Variants in DAB1 observed in about 807,000 individuals in gnomAD.
The protein encoded by DAB1 is disabled homolog 1.
A neutral mutation model predicts 64.6 loss-of-function variants in DAB1; 15 were observed. The observed-to-expected ratio is 0.23, with a 90% CI of 0.16 to 0.36. DAB1 has a LOEUF of 0.36. Among genes scored for constraint, DAB1 ranks in the 10% least tolerant of loss-of-function variants. The pLI, the probability that DAB1 is intolerant of heterozygous loss-of-function variation, is 1.00. For synonymous variants in DAB1, 235 were observed against 251.9 expected (o/e 0.93, Z 0.64); for missense variants, 596 against 706.7 (o/e 0.84, Z 1.78).
chr1:57,575,946 T>C (rs954526515), intron 7 of DAB1, among the ~76,000 whole-genome samples: 2 of 152,176 alleles, frequency 1.3e-5, no homozygotes, highest in African/African-American at 4.8e-5. Context: ...AAAAATATGT[T>C]GCTGTCTTAA....
At chr1:57,076,801 A>G (rs1472436642) in intron 4 of DAB1, among the ~76,000 whole-genome samples, 1 of 152,148 alleles carries the variant, frequency 6.6e-6, no homozygotes, top group African/African-American at 2.4e-5. Flanking sequence ...CCTAGATCTC[A>G]CTGCATTATA....
chr1:57,485,888 A>G (rs1315959092), intron 7 of DAB1, among the ~76,000 whole-genome samples: 1 of 152,208 alleles, frequency 6.6e-6, no homozygotes, highest in Non-Finnish European at 1.5e-5. Context: ...TATTCACAAG[A>G]TGATTCATTG....
At chr1:57,423,297 G>A (rs1000272377) in intron 1 of DAB1, among the ~76,000 whole-genome samples, 1 of 151,988 alleles carries the variant, frequency 6.6e-6, no homozygotes, top group Admixed American at 6.5e-5. Context: ...ACGAGCGGCA[G>A]AGAACAGAGT....
At position 57,897,395 on chromosome 1, in the gene DAB1, T is replaced by C. The variant is rs554963669; in HGVS notation, n.388-13233A>G. Among the ~76,000 whole-genome samples the C allele has an allele frequency of 9.2e-5, 14 of 152,286 alleles. No individual in the cohort carries two copies. In the East Asian group the frequency reaches 9.6e-4, roughly 10 times the overall value. On this transcript the variant is annotated intron_variant and non_coding_transcript_variant, in intron 5 of 20. Transcript: ENST00000485760. The stretch of plus-strand genomic sequence containing the variant: ...CCCAATTCTTAATTGTGTGGGAATC[T>C]TGTCTTTTCATTGTGGAAAAAAAAA...
intron 6 of DAB1, among the ~76,000 whole-genome samples, chr1:57,720,479 G>T (rs544468248): frequency 8.5e-5 from 13 of 152,228 alleles, no homozygotes; most frequent in African/African-American, 2.9e-4. Context: ...TTTTAATTCC[G>T]GCATGAAGAT....
chr1:57,906,168 G>A (rs111570538), intron 5 of DAB1, among the ~76,000 whole-genome samples: 1,818 of 152,224 alleles, frequency 0.012, 22 homozygotes, highest in African/African-American at 0.035. Context: ...AATGTGACTT[G>A]GATAGCTGGA....
intron 5 of DAB1, among the ~76,000 whole-genome samples, chr1:57,958,362 A>G (rs12065112): frequency 6.6e-6 from 1 of 152,190 alleles, no homozygotes; most frequent in Non-Finnish European, 1.5e-5. Flanking sequence ...TCATTCATTT[A>G]TTCAACAAGT....
At chr1:58,012,134 G>A (rs1359293697) in intron 5 of DAB1, among the ~76,000 whole-genome samples, 2 of 152,198 alleles carry the variant, frequency 1.3e-5, no homozygotes, top group Non-Finnish European at 2.9e-5. Flanking sequence ...GGAGATTACA[G>A]TCTGGCATGA....
At chr1:57,797,390 T>C (rs576435948) in intron 6 of DAB1, among the ~76,000 whole-genome samples, 2 of 152,354 alleles carry the variant, frequency 1.3e-5, no homozygotes, top group African/African-American at 4.8e-5. Context: ...TGTCTTGCTG[T>C]ACGATCCTAC....
intron 1 of DAB1, among the ~76,000 whole-genome samples, chr1:57,312,502 A>G (rs1160578294): frequency 2.6e-5 from 4 of 152,226 alleles, no homozygotes; most frequent in Non-Finnish European, 5.9e-5. Flanking sequence ...GATGCCGTCT[A>G]CAATAATTTA....
chr1:57,050,096 A>G (rs1008114723), intron 9 of DAB1, among the ~76,000 whole-genome samples: 3 of 151,994 alleles, frequency 2.0e-5, no homozygotes, highest in Non-Finnish European at 4.4e-5. Context: ...GATTATTATT[A>G]ATCTGGGTTG....
At chr1:58,209,433 AAAC>A (rs769986311) in intron 4 of DAB1, among the ~76,000 whole-genome samples, 1 of 152,248 alleles carries the variant, frequency 6.6e-6, no homozygotes, top group Non-Finnish European at 1.5e-5. Context: ...AGGCTAACAA[AAAC>A]AACAAGAACA....
chr1:57,489,884 C>A (rs1452198475), intron 7 of DAB1, among the ~76,000 whole-genome samples: 2 of 152,136 alleles, frequency 1.3e-5, no homozygotes, highest in Non-Finnish European at 2.9e-5. Flanking sequence ...TTTATGTCCC[C>A]TCTCTGTTAA....
intron 6 of DAB1, among the ~76,000 whole-genome samples, chr1:57,704,506 A>G (rs1646942727): frequency 6.6e-6 from 1 of 152,204 alleles, no homozygotes; most frequent in Admixed American, 6.5e-5. Flanking sequence ...TCTAAGTACC[A>G]TTTTCAAACA....
intron 5 of DAB1, among the ~76,000 whole-genome samples, chr1:58,064,107 G>C (rs932361970): frequency 6.6e-6 from 1 of 152,150 alleles, no homozygotes; most frequent in South Asian, 2.1e-4. Flanking sequence ...TGGGGATTTG[G>C]AGAAACAGTC....
rs145789248 is a variant in DAB1, at chr1:58,371,328, G to A, written n.258-27925C>T. Among the ~76,000 whole-genome samples the A allele has an allele frequency of 6.1e-3, 935 of 152,274 alleles. 9 individuals carry two copies. The highest frequency in any genetic ancestry group is 0.021 in the African/African-American group (879 of 41,572). On this transcript the variant is annotated intron_variant and non_coding_transcript_variant, in intron 3 of 20. Transcript: ENST00000485760. ...TTTGAACTTGAGAGAGATGATTAGGGTATCTGGCAGACTGAATTTCTAAGC... is the reference window on the plus strand; with the variant it reads ...TTTGAACTTGAGAGAGATGATTAGGATATCTGGCAGACTGAATTTCTAAGC...
upstream of DAB1, among the ~76,000 whole-genome samples, chr1:57,424,837 C>T (rs779366436): frequency 2.6e-5 from 4 of 152,128 alleles, no homozygotes; most frequent in Non-Finnish European, 4.4e-5. Context: ...AGGAGAGACC[C>T]GTGCCCCTGA....
At chr1:58,249,509 G>A (rs944991256) in intron 4 of DAB1, among the ~76,000 whole-genome samples, 1 of 152,060 alleles carries the variant, frequency 6.6e-6, no homozygotes, top group Non-Finnish European at 1.5e-5. Context: ...TCCGGATGGC[G>A]GGAGGGTTAA....
In DAB1 at chr1:57,733,880, G is replaced by T. The variant is rs182159393; in HGVS notation, n.552-84215C>A. On this transcript the variant is annotated intron_variant and non_coding_transcript_variant, in intron 6 of 20. Transcript: ENST00000485760. Reference sequence around the variant, plus strand: ...TGGCTTTGGGTGTCCTCCTGAAGAAGAAGCAGCACAGGGAAGGGAAATGAT... The same window carrying T: ...TGGCTTTGGGTGTCCTCCTGAAGAATAAGCAGCACAGGGAAGGGAAATGAT... Among the ~76,000 whole-genome samples the T allele has an allele frequency of 7.9e-5, 12 of 152,226 alleles. No homozygotes were observed. The East Asian group carries it at 2.3e-3, about 29-fold the overall frequency.
Sources: gnomAD v4.1 joint callset for allele counts (sites outside exome capture counted in the v4.1 genomes callset) on GRCh38, gnomAD v4.1.1 for gene constraint, MANE v1.5 for transcripts, NCBI Gene and HGNC (gene_info 2026-07-23, HGNC 2026-07-21) for gene names.